Variants in GARNL3 observed in about 807,000 individuals in gnomAD.
GARNL3 encodes the protein GTPase-activating Rap/Ran-GAP domain-like protein 3.
In GARNL3, 63 loss-of-function variants were observed where a neutral mutation model predicts 125.0. That is an observed-to-expected ratio of 0.50 (90% CI 0.41 to 0.62). The LOEUF is 0.62. Ranked by LOEUF, GARNL3 falls within the 20% of genes least tolerant of loss-of-function variation. The probability of loss-of-function intolerance (pLI) is 0.00; values close to 1 mark genes in which losing one functional copy is unlikely to be tolerated. For missense variants in GARNL3, 994 were observed against 1,244.0 expected, an observed-to-expected ratio of 0.80 and a Z score of 3.02; for synonymous variants, 439 against 457.5, an observed-to-expected ratio of 0.96 and a Z score of 0.52.
chr9:127,333,185 G>C, intron 9 of GARNL3, 64 bp downstream of exon 9: 2 of 1,306,580 alleles, frequency 1.5e-6, no homozygotes, highest in Non-Finnish European at 2.2e-6. Context: ...AGCCTGACCC[G>C]TGTCTGAACT....
chr9:127,386,970 T>C (rs1174633460), intron 24 of GARNL3, among the ~76,000 whole-genome samples: 1 of 152,220 alleles, frequency 6.6e-6, no homozygotes, highest in South Asian at 2.1e-4. Context: ...AACAAATAGA[T>C]GATGAAAAGT....
At chr9:127,236,676 G>A (rs969984401) in intron 1 of GARNL3, among the ~76,000 whole-genome samples, 2 of 152,074 alleles carry the variant, frequency 1.3e-5, no homozygotes, top group African/African-American at 2.4e-5. Flanking sequence ...CCCCTGCTTC[G>A]GCCTCTCAAA....
intron 2 of GARNL3, among the ~76,000 whole-genome samples, chr9:127,255,596 T>G (rs922734402): frequency 1.4e-4 from 21 of 152,328 alleles, no homozygotes; most frequent in Non-Finnish European, 2.9e-4. Flanking sequence ...TTCATTATAT[T>G]ATTCTTCATT....
chr9:127,296,172 C>T (rs1286658536), intron 2 of GARNL3, among the ~76,000 whole-genome samples: 1 of 152,116 alleles, frequency 6.6e-6, no homozygotes, highest in Admixed American at 6.5e-5. Flanking sequence ...ATGGGAGTGG[C>T]TGCAAATATA....
rs1417572029 is a variant in GARNL3 at position 127,265,104 on chromosome 9, A to G, written c.144+83A>G. 6 of 1,241,082 alleles carry G rather than the reference A, an allele frequency of 4.8e-6. No homozygotes were observed. In the African/African-American group the frequency reaches 7.5e-5, roughly 16 times the overall value. 76.9% of individuals were successfully genotyped at this position (1,241,082 alleles called of 1,614,324 possible). On this transcript the variant is annotated intron_variant, in intron 1 of 27. Coordinates refer to ENST00000373387, the MANE Select transcript of GARNL3 (RefSeq NM_032293.5). ...CCAAGCTCATCAGATCTTTTGTTGT[A>G]TATTTACTGTTAGACCATGTGGGTA...
At chr9:127,282,527 T>C (rs2064131505) in intron 1 of GARNL3, among the ~76,000 whole-genome samples, 1 of 152,170 alleles carries the variant, frequency 6.6e-6, no homozygotes, top group South Asian at 2.1e-4. Flanking sequence ...CAAGGTCACA[T>C]GGCTAACAAG....
chr9:127,300,664 A>G (rs527627848), intron 2 of GARNL3: 5 of 286,072 alleles, frequency 1.7e-5, no homozygotes, highest in East Asian at 2.3e-4. Flanking sequence ...CATGTTGGCC[A>G]GGCTGGTCTT....
chr9:127,316,961 A>G (rs1453270113), intron 4 of GARNL3, among the ~76,000 whole-genome samples: 1 of 152,184 alleles, frequency 6.6e-6, no homozygotes, highest in African/African-American at 2.4e-5. Context: ...ACCCTCCTCT[A>G]GCCGTTTGTG....
chr9:127,365,197 A>G (rs1588941810), intron 21 of GARNL3, 103 bp from the exon 22 acceptor site: 1 of 924,400 alleles, frequency 1.1e-6, no homozygotes, highest in South Asian at 1.3e-5. Flanking sequence ...TGGCACCTGC[A>G]TGACAGAGGG....
At chr9:127,267,853 G>C (rs2063736410) in intron 1 of GARNL3, among the ~76,000 whole-genome samples, 1 of 152,184 alleles carries the variant, frequency 6.6e-6, no homozygotes, top group Non-Finnish European at 1.5e-5. Context: ...TTCCAGAAAG[G>C]CGTCTAAGAT....
At chr9:127,268,521 G>A (rs2063751144) in intron 1 of GARNL3, among the ~76,000 whole-genome samples, 1 of 152,184 alleles carries the variant, frequency 6.6e-6, no homozygotes, top group South Asian at 2.1e-4. Context: ...CCAGCAGCCA[G>A]AGTGGTGTTT....
In GARNL3 at chr9:127,284,976, G is replaced by C. The variant is rs149761210; in HGVS notation, c.145-6192G>C. ...TCCTCCTGTTTCAGCCTCCCAAGTA[G>C]CTGGGACAATAGGCACAATAGGCTG... On this transcript the variant is annotated intron_variant, in intron 1 of 27. Transcript: ENST00000373387. 3.2e-3 allele frequency among the ~76,000 whole-genome samples: 485 copies of C among 152,196 alleles called. 3 individuals are homozygous for C. Among genetic ancestry groups the C allele is most frequent in the Middle Eastern group, 0.024 (7 of 294 alleles).
intron 14 of GARNL3, among the ~76,000 whole-genome samples, chr9:127,343,029 C>T (rs1263377983): frequency 6.6e-6 from 1 of 151,386 alleles, no homozygotes; most frequent in Non-Finnish European, 1.5e-5. Flanking sequence ...TCCCAAGTAG[C>T]TGGGGTTATA....
chr9:127,238,017 G>A (rs955088851), intron 1 of GARNL3, among the ~76,000 whole-genome samples: 8 of 152,236 alleles, frequency 5.3e-5, no homozygotes, highest in South Asian at 4.2e-4. Context: ...TTTCCCATCC[G>A]CCTGACTAAA....
intron 2 of GARNL3, among the ~76,000 whole-genome samples, chr9:127,306,960 T>C (rs1243205770): frequency 6.6e-6 from 1 of 152,112 alleles, no homozygotes; most frequent in African/African-American, 2.4e-5. Flanking sequence ...TCATAAATAC[T>C]GTAATTTTGA....
Position 127,275,593 on chromosome 9 carries a change from G to T in GARNL3, c.144+10572G>T, listed in dbSNP as rs542301577. On this transcript the variant is annotated intron_variant, in intron 1 of 27. Transcript: ENST00000373387. ...AGAGCTTTTGGCCCTGTTTGTTAAG[G>T]AGGGGAACATCTGTGGGTTCTGAAA... 2.1e-4 allele frequency among the ~76,000 whole-genome samples: 32 copies of T among 152,298 alleles called. No homozygotes were observed. The East Asian group carries it at 6.0e-3, about 28-fold the overall frequency.
chr9:127,360,677 G>T (rs1288804785), intron 21 of GARNL3, among the ~76,000 whole-genome samples: 3 of 152,202 alleles, frequency 2.0e-5, no homozygotes, highest in African/African-American at 7.2e-5. Context: ...CACAGCGTAG[G>T]TCATTGGAAT....
intron 1 of GARNL3, among the ~76,000 whole-genome samples, chr9:127,228,179 T>C (rs2062945736): frequency 6.6e-6 from 1 of 152,242 alleles, no homozygotes. Flanking sequence ...GTCATATGGA[T>C]ATATTACCAT....
intron 4 of GARNL3, 65 bp downstream of exon 4, chr9:127,313,624 T>C: frequency 9.8e-7 from 1 of 1,023,138 alleles, no homozygotes; most frequent in East Asian, 2.4e-5. Flanking sequence ...ACCCCTGTGC[T>C]GTGGAACTGT....
Sources: allele counts gnomAD v4.1 joint callset (sites outside exome capture counted in the v4.1 genomes callset), GRCh38; gene constraint gnomAD v4.1.1; transcripts MANE v1.5; gene names NCBI Gene and HGNC (gene_info 2026-07-23, HGNC 2026-07-21).